The following ZNF639 variants were observed in gnomAD, a reference collection of about 807,000 sequenced individuals.
The protein encoded by ZNF639 is zinc finger amplified in esophageal squamous cell carcinomas 1.
In ZNF639, 20 loss-of-function variants were observed where a neutral mutation model predicts 39.8. That is an observed-to-expected ratio of 0.50 (90% CI 0.35 to 0.73). The LOEUF is 0.73. ZNF639 is among the 30% of genes least tolerant of loss of function. The probability of loss-of-function intolerance (pLI) is 0.00; values close to 1 mark genes in which losing one functional copy is unlikely to be tolerated. For synonymous variants in ZNF639, 176 were observed against 189.8 expected, an observed-to-expected ratio of 0.93 and a Z score of 0.60; for missense variants, 477 against 566.2, an observed-to-expected ratio of 0.84 and a Z score of 1.60.
Position 179,333,905 on chromosome 3 carries a change from A to G in ZNF639, c.941A>G (p.Asp314Gly), listed in dbSNP as rs1416967864. Residue 314 changes from aspartate to glycine, a missense_variant, in exon 6 of 6, where the codon GAT (aspartate) becomes GGT (glycine). Transcript: ENST00000496856. ...LYLHFQEHSC[D>G]EQYLCQFCEH... is the part of the protein sequence containing the mutation. ...CTACATTTCCAGGAGCACAGCTGTG[A>G]TGAACAGTACTTGTGTCAGTTCTGT... 7 of 1,614,190 alleles carry G rather than the reference A, an allele frequency of 4.3e-6. No homozygotes were observed. Among genetic ancestry groups the G allele is most frequent in the Non-Finnish European group, 5.9e-6 (7 of 1,180,016 alleles).
chr3:179,334,688 G>T lies in ZNF639; in HGVS notation c.*266G>T. ...TTTCTTCCATATTCTCTGATTTCATGAATTGAAAAGAAACAAATGTATTGA... is the reference window on the plus strand; with the variant it reads ...TTTCTTCCATATTCTCTGATTTCATTAATTGAAAAGAAACAAATGTATTGA... On this transcript the variant is annotated 3_prime_UTR_variant, in exon 6 of 6. Coordinates refer to ENST00000496856, the MANE Select transcript of ZNF639 (RefSeq NM_001303426.2). 1 of 207,392 alleles carries T rather than the reference G, an allele frequency of 4.8e-6. No homozygotes were observed. Among genetic ancestry groups the T allele is most frequent in the South Asian group, 1.7e-4 (1 of 5,758 alleles). 12.8% of individuals were successfully genotyped at this position (207,392 alleles called of 1,614,324 possible). A position where few individuals can be genotyped will look rare whatever the true frequency, so the allele number is the denominator to read the frequency against.
chr3:179,333,948 T>C lies in ZNF639; in HGVS notation c.984T>C (p.Asp328=). ...AGTTCTGTGAACATGAAACTAATGA[T>C]CCAGAAGACTTGCATAGCCATGTGG... ...LCQFCEHETN[D]PEDLHSHVVN... The change falls in exon 6 of 6, where the codon GAT becomes GAC. Residue 328 remains aspartate (D), a synonymous_variant. Coordinates refer to ENST00000496856, the MANE Select transcript of ZNF639 (RefSeq NM_001303426.2). 2 of 1,614,152 alleles carry C rather than the reference T, an allele frequency of 1.2e-6. No homozygotes were observed. Among genetic ancestry groups the C allele is most frequent in the Non-Finnish European group, 1.7e-6 (2 of 1,180,018 alleles).
rs778502181 is a variant in ZNF639, at chr3:179,333,631, A to G, written c.667A>G (p.Met223Val). The change falls in exon 6 of 6, where the codon ATG becomes GTG. Residue 223 changes from methionine to valine, a missense_variant. Coordinates refer to ENST00000496856, the MANE Select transcript of ZNF639 (RefSeq NM_001303426.2). ...ATATTTTTCTGACTTAAAGCAGCAT[A>G]TGATCCTGAAGCATAAACGTACTGA... ...SKYFSDLKQH[M>V]ILKHKRTDSN... The G allele has an allele frequency of 2.5e-6, 4 of 1,614,196 alleles. No individual in the cohort carries two copies. The highest frequency in any genetic ancestry group is 1.1e-5 in the South Asian group (1 of 91,090).
chr3:179,323,786 C>T (rs1204197475), intron 1 of ZNF639: 1 of 152,268 alleles, frequency 6.6e-6, no homozygotes, highest in Non-Finnish European at 1.5e-5. Context: ...CCGCGGAGAG[C>T]AGGCGTCGAT....
rs1282019097 is a variant in ZNF639 at position 179,334,066 on chromosome 3, G to A, written c.1102G>A (p.Asp368Asn). 1 of 1,613,600 alleles carries A rather than the reference G, an allele frequency of 6.2e-7. No individual in the cohort carries two copies. The highest frequency in any genetic ancestry group is 2.2e-5 in the East Asian group (1 of 44,866). The change falls in exon 6 of 6, where the codon GAC becomes AAC. Residue 368 changes from aspartate (D) to asparagine (N), a missense_variant. Coordinates refer to ENST00000496856, the MANE Select transcript of ZNF639 (RefSeq NM_001303426.2). Reference sequence around the variant, plus strand: ...TAGCCTCTTAAGCAAAATTACCTTTGACAAATGTAAAAACTTCTTTGTATG... The same window carrying A: ...TAGCCTCTTAAGCAAAATTACCTTTAACAAATGTAAAAACTTCTTTGTATG... ...QYSLLSKITFDKCKNFFVCQV... is the reference protein window; with the variant it reads ...QYSLLSKITFNKCKNFFVCQV...
Position 179,334,668 on chromosome 3 carries a change from T to G in ZNF639, c.*246T>G, listed in dbSNP as rs183719848. 29 of 242,980 alleles carry G rather than the reference T, an allele frequency of 1.2e-4. No homozygotes were observed. The East Asian group carries it at 2.1e-3, about 18-fold the overall frequency. The allele number at this position is 242,980 out of a possible 1,614,324, so 15.1% of individuals were successfully genotyped here. ...TCTTGGTGACTGTCATCCTGTTTCT[T>G]CCATATTCTCTGATTTCATGAATTG... On this transcript the variant is annotated 3_prime_UTR_variant, in exon 6 of 6. Coordinates refer to ENST00000496856, the MANE Select transcript of ZNF639 (RefSeq NM_001303426.2).
rs750468147 is a variant in ZNF639, at chr3:179,329,598, ATTT to A, written c.59-17_59-15del. 1 of 1,436,488 alleles carries A rather than the reference ATTT, an allele frequency of 7.0e-7. No individual in the cohort carries two copies. The highest frequency in any genetic ancestry group is 1.2e-5 in the South Asian group (1 of 83,530). 89.0% of individuals were successfully genotyped at this position (1,436,488 alleles called of 1,614,324 possible). On this transcript the variant is annotated splice_polypyrimidine_tract_variant and intron_variant, in intron 3 of 5. Transcript: ENST00000496856. ...TATGTATGTTTACTGTACTTGAAATATTTTTCATTTTATGTTCAGATTCCTCTG... is the reference window on the plus strand; with the variant it reads ...TATGTATGTTTACTGTACTTGAAATATTCATTTTATGTTCAGATTCCTCTG...
chr3:179,333,471 A>T lies in ZNF639; in HGVS notation c.507A>T (p.Glu169Asp). Residue 169 changes from glutamate (E) to aspartate (D), a missense_variant, in exon 6 of 6, where the codon GAA (glutamate) becomes GAT (aspartate). Transcript: ENST00000496856. ...AGAGTCTCCAAGACCAAACTGATGA[A>T]GAACCGCCAGCTAAACTTTGTAAAA... Reference protein sequence around the residue: ...SSESLQDQTDEEPPAKLCKIL... With the variant: ...SSESLQDQTDDEPPAKLCKIL... 5.6e-6 allele frequency: 9 copies of T among 1,614,166 alleles called. No homozygotes were observed. The highest frequency in any genetic ancestry group is 1.1e-5 in the South Asian group (1 of 91,088).
intron 3 of ZNF639, among the ~76,000 whole-genome samples, chr3:179,328,892 C>T (rs1727747684): frequency 6.6e-6 from 1 of 151,606 alleles, no homozygotes; most frequent in Admixed American, 6.6e-5. Context: ...TCTCCTGCCT[C>T]AGCCTCCCAA....
intron 2 of ZNF639, 28 bp from the exon 3 acceptor site, chr3:179,328,253 CAT>C (rs774340276): frequency 1.0e-5 from 13 of 1,247,008 alleles, no homozygotes; most frequent in African/African-American, 6.1e-5. Flanking sequence ...TTATTTGTGA[CAT>C]ATTTGTTAAT....
Position 179,335,294 on chromosome 3 carries a change from G to C in ZNF639, c.*872G>C, listed in dbSNP as rs1187508958. On this transcript the variant is annotated 3_prime_UTR_variant, in exon 6 of 6. Transcript: ENST00000496856. ...TCTTGTAGAGATGAGATCTCGCTAT[G>C]TTGCCCAGGCCAGTCTCAAACTCCT... 1 of 152,124 alleles carries C rather than the reference G, an allele frequency of 6.6e-6. No individual in the cohort carries two copies. Among genetic ancestry groups the C allele is most frequent in the Non-Finnish European group, 1.5e-5 (1 of 68,066 alleles). 9.4% of individuals were successfully genotyped at this position (152,124 alleles called of 1,614,324 possible).
chr3:179,326,579 C>G (rs1188176423), intron 1 of ZNF639, among the ~76,000 whole-genome samples: 2 of 152,018 alleles, frequency 1.3e-5, no homozygotes, highest in Non-Finnish European at 2.9e-5. Flanking sequence ...AATTGGTGGT[C>G]AGTAAATTAT....
intron 4 of ZNF639, 65 bp from the exon 5 acceptor site, chr3:179,332,924 T>G: frequency 6.9e-7 from 1 of 1,456,520 alleles, no homozygotes; most frequent in South Asian, 1.5e-5. Context: ...AAATTGATGC[T>G]TTGTTCTATA....
intron 4 of ZNF639, among the ~76,000 whole-genome samples, 179 bp from the exon 5 acceptor site, chr3:179,332,810 G>C (rs1246879702): frequency 2.0e-5 from 3 of 152,106 alleles, no homozygotes; most frequent in Non-Finnish European, 2.9e-5. Context: ...TAAAGCATTT[G>C]CTTGTTTGAG....
intron 1 of ZNF639, 88 bp from the exon 2 acceptor site, chr3:179,327,473 T>G (rs1361447732): frequency 6.6e-6 from 1 of 152,256 alleles, no homozygotes; most frequent in African/African-American, 2.4e-5. Context: ...ACTTTCCAAT[T>G]GATTAAAGAT....
chr3:179,323,358 G>T, intron 1 of ZNF639, 67 bp downstream of exon 1: 1 of 985,770 alleles, frequency 1.0e-6, no homozygotes, highest in Non-Finnish European at 1.2e-6. Context: ...GCGTGCGGGC[G>T]CATCTTCTAA....
At chr3:179,330,022 C>T (rs893014259) in intron 4 of ZNF639, 26 of 200,150 alleles carry the variant, frequency 1.3e-4, no homozygotes, top group Middle Eastern at 2.3e-3. Flanking sequence ...AAGCAATTCT[C>T]CTGCCTTAGC....
rs1246179600 is a variant in ZNF639 at position 179,334,182 on chromosome 3, T to C, written c.1218T>C (p.Asp406=). Reference sequence around the variant, plus strand: ...CAAAAATTTTTCCTCATGTTTGTGATGACTGTGGGAAAGGCTTTTCAAGTA... The same window carrying C: ...CAAAAATTTTTCCTCATGTTTGTGACGACTGTGGGAAAGGCTTTTCAAGTA... ...EHTKIFPHVC[D]DCGKGFSSML... is the part of the protein sequence containing the mutation. The change falls in exon 6 of 6, where the codon GAT becomes GAC. Residue 406 remains aspartate, a synonymous_variant. Transcript: ENST00000496856. 1 of 1,614,144 alleles carries C rather than the reference T, an allele frequency of 6.2e-7. No homozygotes were observed. Among genetic ancestry groups the C allele is most frequent in the Non-Finnish European group, 8.5e-7 (1 of 1,179,988 alleles).
intron 4 of ZNF639, among the ~76,000 whole-genome samples, chr3:179,331,319 T>A (rs968899310): frequency 2.0e-5 from 3 of 152,060 alleles, no homozygotes; most frequent in Non-Finnish European, 4.4e-5. Context: ...TGCAGAAAAA[T>A]TCCAAATTAT....
Sources: allele counts gnomAD v4.1 joint callset (sites outside exome capture counted in the v4.1 genomes callset), GRCh38; gene constraint gnomAD v4.1.1; transcripts MANE v1.5; gene names NCBI Gene and HGNC (gene_info 2026-07-23, HGNC 2026-07-21).